SDR42E2: variants seen among roughly 807,000 people sequenced by gnomAD.
SDR42E2 encodes short chain dehydrogenase/reductase family 42E, member 2.
Under a neutral mutation model 10.5 loss-of-function variants are expected in SDR42E2, and 20 were observed. The ratio of observed to expected loss-of-function variants is 1.90; its 90% CI spans 1.34 to 2.77. The LOEUF is 2.77. Ranked by LOEUF, SDR42E2 falls within the 30% of genes most tolerant of loss-of-function variation. The pLI is 0.00. For synonymous variants in SDR42E2, 72 were observed against 39.2 expected, an observed-to-expected ratio of 1.84 and a Z score of -3.12; for missense variants, 162 against 104.2, an observed-to-expected ratio of 1.55 and a Z score of -2.42.
intron 1 of SDR42E2, among the ~76,000 whole-genome samples, chr16:22,165,080 G>T (rs1598126171): frequency 6.8e-6 from 1 of 146,372 alleles, no homozygotes; most frequent in East Asian, 1.9e-4. Flanking sequence ...GGAGTTTTTT[G>T]TTTGTTTGTT....
At chr16:22,164,879 TG>T (rs2046522442) in intron 1 of SDR42E2, among the ~76,000 whole-genome samples, 2 of 152,322 alleles carry the variant, frequency 1.3e-5, no homozygotes, top group South Asian at 4.1e-4. Flanking sequence ...AGGTTCCCGC[TG>T]GATGATTTGC....
intron 11 of SDR42E2, among the ~76,000 whole-genome samples, chr16:22,185,984 T>C (rs1182830096): frequency 3.3e-5 from 5 of 152,014 alleles, no homozygotes; most frequent in Admixed American, 3.3e-4. Context: ...CTCCAAGAGA[T>C]CCTCCCTCCT....
chr16:22,176,809 T>C (rs1423639135), intron 7 of SDR42E2, among the ~76,000 whole-genome samples: 1 of 152,194 alleles, frequency 6.6e-6, no homozygotes, highest in Non-Finnish European at 1.5e-5. Context: ...GAGATACATG[T>C]TCACCTGCTT....
chr16:22,166,777 T>C, intron 3 of SDR42E2, 127 bp from the exon 4 acceptor site: 1 of 449,400 alleles, frequency 2.2e-6, no homozygotes, highest in Non-Finnish European at 4.0e-6. Flanking sequence ...CAGCCTTTCC[T>C]GATGCTACAG....
chr16:22,162,533 G>T lies in SDR42E2; in HGVS notation c.-68G>T, dbSNP rs556547647. On this transcript the variant is annotated 5_prime_UTR_variant, in exon 1 of 13. Coordinates refer to ENST00000602312, the MANE Select transcript of SDR42E2 (RefSeq NM_001394319.2). ...CGGCGCGGAGACTGGCGCAGCGCGG[G>T]GAGCACGCAGCGCCGCGGGAGCCCG... 6.6e-6 allele frequency among the ~76,000 whole-genome samples: 1 copy of T among 152,284 alleles called. No homozygotes were observed. Among genetic ancestry groups the T allele is most frequent in the East Asian group, 1.9e-4 (1 of 5,168 alleles).
At chr16:22,172,055 C>T (rs1299538901) in intron 6 of SDR42E2, among the ~76,000 whole-genome samples, 1 of 152,196 alleles carries the variant, frequency 6.6e-6, no homozygotes, top group Non-Finnish European at 1.5e-5. Context: ...TGCTCCGAAC[C>T]CAGTGCTCCT....
At chr16:22,185,009 G>T (rs1266927126) in intron 11 of SDR42E2, among the ~76,000 whole-genome samples, 1 of 152,108 alleles carries the variant, frequency 6.6e-6, no homozygotes, top group Admixed American at 6.6e-5. Context: ...TGTCCCCCAA[G>T]GTCACCCTGA....
At chr16:22,184,338 A>G in intron 11 of SDR42E2, 94 bp downstream of exon 11, 1 of 390,720 alleles carries the variant, frequency 2.6e-6, no homozygotes, top group South Asian at 1.3e-4. Context: ...ACGGTGGCTC[A>G]CGCCTGTAAT....
intron 7 of SDR42E2, among the ~76,000 whole-genome samples, chr16:22,174,528 C>T (rs765509652): frequency 2.6e-5 from 4 of 152,032 alleles, no homozygotes; most frequent in Non-Finnish European, 4.4e-5. Context: ...CAACTCTTTT[C>T]CCTAAAATCT....
Position 22,166,893 on chromosome 16 carries a change from C to G in SDR42E2, c.241-11C>G, listed in dbSNP as rs779468833. 4 of 656,096 alleles carry G rather than the reference C, an allele frequency of 6.1e-6. No homozygotes were observed. The highest frequency in any genetic ancestry group is 1.1e-5 in the Non-Finnish European group (4 of 352,772). 40.6% of individuals were successfully genotyped at this position (656,096 alleles called of 1,614,324 possible). A position where few individuals can be genotyped will look rare whatever the true frequency, so the allele number is the denominator to read the frequency against. On this transcript the variant is annotated splice_polypyrimidine_tract_variant and intron_variant, in intron 3 of 12. Coordinates refer to ENST00000602312, the MANE Select transcript of SDR42E2 (RefSeq NM_001394319.2). Reference sequence around the variant, plus strand: ...AACCCCCTGCCCTCATCTCTTCTTCCTCTGGTGCAGGCTGATGTCCGAGAT... The same window carrying G: ...AACCCCCTGCCCTCATCTCTTCTTCGTCTGGTGCAGGCTGATGTCCGAGAT...
In SDR42E2 at chr16:22,190,213, G is replaced by A. The variant is rs968970128; in HGVS notation, c.1089G>A (p.Lys363=). 7.5e-6 allele frequency: 3 copies of A among 401,052 alleles called. No individual in the cohort carries two copies. In the East Asian group the frequency reaches 1.1e-4, roughly 14 times the overall value. 24.8% of individuals were successfully genotyped at this position (401,052 alleles called of 1,614,324 possible). The part of the protein sequence containing the change: ...ARAQLGYAPD[K]FRFADAVELY... Reference sequence around the variant, plus strand: ...CCCAGCTCGGCTACGCGCCGGATAAGTTTAGGTTCGCCGACGCCGTGGAGC... The same window carrying A: ...CCCAGCTCGGCTACGCGCCGGATAAATTTAGGTTCGCCGACGCCGTGGAGC... Residue 363 remains lysine, a synonymous_variant, in exon 13 of 13, where the codon AAG becomes AAA. Transcript: ENST00000602312.
At chr16:22,186,602 C>G (rs1356772712) in intron 11 of SDR42E2, 119 bp from the exon 12 acceptor site, 1 of 400,362 alleles carries the variant, frequency 2.5e-6, no homozygotes, top group African/African-American at 2.1e-5. Flanking sequence ...AATCCAGTGA[C>G]TTCTGCAAAG....
chr16:22,165,705 T>C (rs1372823126), intron 2 of SDR42E2, 68 bp downstream of exon 2: 2 of 402,096 alleles, frequency 5.0e-6, no homozygotes, highest in Non-Finnish European at 8.8e-6. Flanking sequence ...GCTCAGGGTC[T>C]GAGTCAAGGC....
rs1244871643 is a variant in SDR42E2, at chr16:22,191,683, TTAAA to T, written c.*1291_*1294del. ...TAGTACCAGAAAGAGCATGAAAAAT[TTAAA>T]AAAAAAAACTCTTAAAATAATTGGA... On this transcript the variant is annotated 3_prime_UTR_variant, in exon 13 of 13. Coordinates refer to ENST00000602312, the MANE Select transcript of SDR42E2 (RefSeq NM_001394319.2). The T allele has an allele frequency of 7.0e-6, 1 of 142,702 alleles. No individual in the cohort carries two copies. Among genetic ancestry groups the T allele is most frequent in the African/African-American group, 2.6e-5 (1 of 38,622 alleles). The allele number at this position is 142,702 out of a possible 1,614,324, so 8.8% of individuals were successfully genotyped here. A position where few individuals can be genotyped will look rare whatever the true frequency, so the allele number is the denominator to read the frequency against.
chr16:22,175,396 G>A (rs2046636070), intron 7 of SDR42E2, among the ~76,000 whole-genome samples: 1 of 151,936 alleles, frequency 6.6e-6, no homozygotes, highest in Middle Eastern at 3.4e-3. Flanking sequence ...GGGAGGTCAA[G>A]ATGGCAGTAA....
intron 7 of SDR42E2, among the ~76,000 whole-genome samples, chr16:22,175,870 G>A (rs1004257233): frequency 6.6e-6 from 1 of 151,848 alleles, no homozygotes; most frequent in Non-Finnish European, 1.5e-5. Context: ...GCAGGTGCCT[G>A]TAATCCCAGC....
At chr16:22,163,697 A>G (rs2046513547) in intron 1 of SDR42E2, among the ~76,000 whole-genome samples, 1 of 151,770 alleles carries the variant, frequency 6.6e-6, no homozygotes, top group Non-Finnish European at 1.5e-5. Context: ...ACAGAGTGAG[A>G]CTCCTTCTCT....
At chr16:22,175,597 G>A (rs2046638508) in intron 7 of SDR42E2, among the ~76,000 whole-genome samples, 1 of 142,906 alleles carries the variant, frequency 7.0e-6, no homozygotes. Context: ...TAGGATGATT[G>A]CTTGAGCCTG....
chr16:22,178,203 C>T lies in SDR42E2; in HGVS notation c.663C>T (p.Pro221=). Residue 221 remains proline, a synonymous_variant, in exon 8 of 13, where the codon CCC becomes CCT. Transcript: ENST00000602312. ...GCCCTGAAGAGCAGAGGCACCTGCC[C>T]CGTGTGGCGGTACGTCATCCCCGCC... is the stretch of plus-strand genomic sequence containing the variant. ...IYGPEEQRHL[P]RVAGHIKKRL... The T allele has an allele frequency of 2.8e-6, 2 of 702,772 alleles. No individual in the cohort carries two copies. Among genetic ancestry groups the T allele is most frequent in the Non-Finnish European group, 5.2e-6 (2 of 384,914 alleles). The allele number at this position is 702,772 out of a possible 1,614,324, so 43.5% of individuals were successfully genotyped here.
Sources: gnomAD v4.1 joint callset for allele counts (sites outside exome capture counted in the v4.1 genomes callset) on GRCh38, gnomAD v4.1.1 for gene constraint, MANE v1.5 for transcripts, NCBI Gene and HGNC (gene_info 2026-07-23, HGNC 2026-07-21) for gene names.